The following LPCAT2 variants were observed in gnomAD, a reference collection of about 807,000 sequenced individuals.
LPCAT2 encodes 1-AGP acyltransferase 11.
A neutral mutation model predicts 64.7 loss-of-function variants in LPCAT2; 58 were observed. The observed-to-expected ratio is 0.90, with a 90% CI of 0.73 to 1.12. LPCAT2 has a LOEUF of 1.12. LPCAT2 is among the 50% of genes most tolerant of loss of function. LPCAT2 has a pLI of 0.00. For missense variants in LPCAT2, 579 were observed against 669.8 expected (o/e 0.86, Z 1.50); for synonymous variants, 252 against 245.3 (o/e 1.03, Z -0.26).
At chr16:55,534,509 TA>T in intron 7 of LPCAT2, 32 bp downstream of exon 7, 1 of 1,120,338 alleles carries the variant, frequency 8.9e-7, no homozygotes, top group Non-Finnish European at 1.3e-6. Context: ...TTAGTTTATA[TA>T]AATTTTATTT....
chr16:55,539,868 A>C (rs1273891083), intron 8 of LPCAT2: 1 of 152,160 alleles, frequency 6.6e-6, no homozygotes, highest in Non-Finnish European at 1.5e-5. Flanking sequence ...GAACTTCTTG[A>C]ATATTAGGTA....
chr16:55,509,106 T>C lies in LPCAT2; in HGVS notation c.-76T>C. ...CCAGCGTCGCCCTAGGCTGGGACTC[T>C]AGTAGGTCTTCGGCTCAGTTTTGGC... On this transcript the variant is annotated 5_prime_UTR_variant, in exon 1 of 14. Transcript: ENST00000262134. The C allele has an allele frequency of 1.6e-6, 2 of 1,223,296 alleles. No individual in the cohort carries two copies. Among genetic ancestry groups the C allele is most frequent in the Non-Finnish European group, 2.1e-6 (2 of 958,960 alleles). 75.8% of individuals were successfully genotyped at this position (1,223,296 alleles called of 1,614,324 possible). A position where few individuals can be genotyped will look rare whatever the true frequency, so the allele number is the denominator to read the frequency against.
chr16:55,539,628 C>CT (rs1963371810), intron 8 of LPCAT2: 1 of 152,128 alleles, frequency 6.6e-6, no homozygotes, highest in African/African-American at 2.4e-5. Flanking sequence ...GCCCTTCAGG[C>CT]ACTAAGTATA....
chr16:55,569,095 G>A lies in LPCAT2; in HGVS notation c.1216-5536G>A, dbSNP rs371869765. Among the ~76,000 whole-genome samples the A allele has an allele frequency of 5.9e-5, 9 of 152,304 alleles. No homozygotes were observed. In the South Asian group the frequency reaches 1.2e-3, roughly 21 times the overall value. ...CCTCTTTGGACTCATTTAGAAGAAA[G>A]TTGTAACTATGGAAATGATGTAACT... On this transcript the variant is annotated intron_variant, in intron 11 of 13. Transcript: ENST00000262134.
intron 11 of LPCAT2, among the ~76,000 whole-genome samples, chr16:55,573,021 T>G (rs1292487737): frequency 6.6e-6 from 1 of 152,238 alleles, no homozygotes; most frequent in Non-Finnish European, 1.5e-5. Flanking sequence ...ACCTGAATGT[T>G]TGTTTCAGGA....
Position 55,584,340 on chromosome 16 carries a change from G to A in LPCAT2, c.*1242G>A, listed in dbSNP as rs1963921438. 1 of 152,074 alleles carries A rather than the reference G, an allele frequency of 6.6e-6. No individual in the cohort carries two copies. The highest frequency in any genetic ancestry group is 1.5e-5 in the Non-Finnish European group (1 of 68,012). 9.4% of individuals were successfully genotyped at this position (152,074 alleles called of 1,614,324 possible). On this transcript the variant is annotated 3_prime_UTR_variant, in exon 14 of 14. Coordinates refer to ENST00000262134, the MANE Select transcript of LPCAT2 (RefSeq NM_017839.5). ...CCCAGAAAACACAAAAGGTTTCAAG[G>A]TATCACCCAAAGCTAGGGAATCAAC...
chr16:55,532,789 T>C, intron 5 of LPCAT2, 35 bp from the exon 6 acceptor site: 1 of 1,521,656 alleles, frequency 6.6e-7, no homozygotes, highest in Non-Finnish European at 9.1e-7. Flanking sequence ...TTTATTCACA[T>C]AAAAACACAT....
intron 1 of LPCAT2, among the ~76,000 whole-genome samples, chr16:55,517,161 G>T (rs1250779453): frequency 1.3e-5 from 2 of 151,580 alleles, no homozygotes; most frequent in Non-Finnish European, 2.9e-5. Flanking sequence ...ATTAAGAGAG[G>T]ACAATACTAC....
chr16:55,530,256 G>A (rs1424980421), intron 4 of LPCAT2, among the ~76,000 whole-genome samples: 1 of 151,918 alleles, frequency 6.6e-6, no homozygotes, highest in Admixed American at 6.6e-5. Flanking sequence ...TGAGATAGGG[G>A]ATACCTTAGT....
At chr16:55,555,293 T>C (rs1963562188) in intron 11 of LPCAT2, among the ~76,000 whole-genome samples, 1 of 152,234 alleles carries the variant, frequency 6.6e-6, no homozygotes, top group Non-Finnish European at 1.5e-5. Context: ...AGTTTAATAA[T>C]GTCTTACTTT....
Position 55,566,926 on chromosome 16 carries a change from C to T in LPCAT2, c.1216-7705C>T, listed in dbSNP as rs777300399. On this transcript the variant is annotated intron_variant, in intron 11 of 13. Coordinates refer to ENST00000262134, the MANE Select transcript of LPCAT2 (RefSeq NM_017839.5). ...AGTGAGGCTGCAGCAGCTCAGTATACTCCAGAACCGCCTCCCACTCAGCAG... is the reference window on the plus strand; with the variant it reads ...AGTGAGGCTGCAGCAGCTCAGTATATTCCAGAACCGCCTCCCACTCAGCAG... 3.7e-6 allele frequency: 6 copies of T among 1,613,710 alleles called. No individual in the cohort carries two copies. The Admixed American group carries it at 6.7e-5, about 18-fold the overall frequency.
Position 55,583,027 on chromosome 16 carries a change from C to G in LPCAT2, c.1564C>G (p.Pro522Ala). ...ATTACCAAAAGAAGTCCAGACAACC[C>G]CCTCCACCGCCAGTAATAAAGTCAG... is the stretch of plus-strand genomic sequence containing the variant. Reference protein sequence around the residue: ...FSLPKEVQTTPSTASNKVSPE... With the variant: ...FSLPKEVQTTASTASNKVSPE... The change falls in exon 14 of 14, where the codon CCC becomes GCC. Residue 522 changes from proline to alanine, a missense_variant. Physicochemically the swap from Pro to Ala is conservative, Grantham distance 27 (BLOSUM62 -1). Transcript: ENST00000262134. The G allele has an allele frequency of 6.2e-7, 1 of 1,613,732 alleles. No individual in the cohort carries two copies. Among genetic ancestry groups the G allele is most frequent in the Non-Finnish European group, 8.5e-7 (1 of 1,179,810 alleles).
intron 13 of LPCAT2, 81 bp from the exon 14 acceptor site, chr16:55,582,833 T>G: frequency 1.1e-6 from 1 of 878,690 alleles, no homozygotes; most frequent in East Asian, 2.6e-5. Context: ...ATAATTGCAT[T>G]ATTAGAGTCA....
intron 11 of LPCAT2, among the ~76,000 whole-genome samples, chr16:55,558,508 C>A (rs1180229358): frequency 6.6e-6 from 1 of 152,136 alleles, no homozygotes; most frequent in Admixed American, 6.5e-5. Context: ...CTCTTACCTC[C>A]TACCACAAGC....
chr16:55,533,410 T>TTTTTTTTG, intron 6 of LPCAT2, among the ~76,000 whole-genome samples: 1 of 139,046 alleles, frequency 7.2e-6, no homozygotes, highest in African/African-American at 2.7e-5. Context: ...TTTCGGGTTT[T>TTTTTTTTG]TTTTTTTTTT....
At chr16:55,537,398 A>G (rs549166794) in intron 7 of LPCAT2, among the ~76,000 whole-genome samples, 180 bp from the exon 8 acceptor site, 2 of 152,104 alleles carry the variant, frequency 1.3e-5, no homozygotes, top group East Asian at 3.9e-4. Flanking sequence ...CCCCAAAAAA[A>G]AAAAAAAGAA....
Position 55,585,475 on chromosome 16 carries a change from A to G in LPCAT2, c.*2377A>G, listed in dbSNP as rs1234985905. The G allele has an allele frequency of 6.6e-6, 1 of 152,196 alleles. No homozygotes were observed. Among genetic ancestry groups the G allele is most frequent in the African/African-American group, 2.4e-5 (1 of 41,460 alleles). 9.4% of individuals were successfully genotyped at this position (152,196 alleles called of 1,614,324 possible). ...TTGCTAACAAAGATTTCTTTCACAG[A>G]GGCTTTTCTCCTCTCAAGACTTAAA... On this transcript the variant is annotated 3_prime_UTR_variant, in exon 14 of 14. Coordinates refer to ENST00000262134, the MANE Select transcript of LPCAT2 (RefSeq NM_017839.5).
At chr16:55,543,787 G>A (rs1321290615) in intron 8 of LPCAT2, among the ~76,000 whole-genome samples, 2 of 152,148 alleles carry the variant, frequency 1.3e-5, no homozygotes, top group East Asian at 3.8e-4. Flanking sequence ...GACAGGAGAG[G>A]GCACTGAGGC....
intron 11 of LPCAT2, among the ~76,000 whole-genome samples, chr16:55,552,104 T>C (rs975817553): frequency 2.0e-5 from 3 of 152,330 alleles, no homozygotes; most frequent in African/African-American, 4.8e-5. Context: ...AGTCAAGCCC[T>C]TCCCCCAGTT....
Sources: gnomAD v4.1 joint callset for allele counts (sites outside exome capture counted in the v4.1 genomes callset) on GRCh38, gnomAD v4.1.1 for gene constraint, MANE v1.5 for transcripts, NCBI Gene and HGNC (gene_info 2026-07-23, HGNC 2026-07-21) for gene names.